Variants in HIVEP3 observed in about 807,000 individuals in gnomAD.
HIVEP3 encodes the protein transcription factor HIVEP3.
HIVEP3 carries 49 observed loss-of-function variants against 152.8 expected under a neutral mutation model. The observed-to-expected ratio is 0.32, with a 90% CI of 0.26 to 0.41. The LOEUF is 0.41. Among genes scored for constraint, HIVEP3 ranks in the 10% least tolerant of loss-of-function variants. HIVEP3 has a pLI of 1.00. For synonymous variants in HIVEP3, 1,269 were observed against 1,289.0 expected, an observed-to-expected ratio of 0.98 and a Z score of 0.33; for missense variants, 2,790 against 3,103.3, an observed-to-expected ratio of 0.90 and a Z score of 2.40.
chr1:41,644,563 AGCCAGG>A (rs1382569995), intron 2 of HIVEP3, among the ~76,000 whole-genome samples: 1 of 152,188 alleles, frequency 6.6e-6, no homozygotes, highest in Non-Finnish European at 1.5e-5. Flanking sequence ...TGCTCCTGAA[AGCCAGG>A]ATGGCCTCTA....
At chr1:41,978,598 A>G (rs554706894) in intron 1 of HIVEP3, among the ~76,000 whole-genome samples, 2 of 152,318 alleles carry the variant, frequency 1.3e-5, no homozygotes, top group East Asian at 3.9e-4. Context: ...TGTTTAAGCC[A>G]CCCAGTCTGT....
At chr1:41,775,373 G>A (rs867593690) in intron 1 of HIVEP3, among the ~76,000 whole-genome samples, 1 of 152,206 alleles carries the variant, frequency 6.6e-6, no homozygotes, top group African/African-American at 2.4e-5. Context: ...AGAGCTGTTG[G>A]CTTCAGAATC....
intron 2 of HIVEP3, among the ~76,000 whole-genome samples, chr1:41,673,653 T>C (rs900079001): frequency 6.6e-6 from 1 of 152,152 alleles, no homozygotes; most frequent in Non-Finnish European, 1.5e-5. Flanking sequence ...TTCAAGATTG[T>C]GTTAGCTTCT....
chr1:41,692,123 C>T (rs1250513137), intron 2 of HIVEP3, among the ~76,000 whole-genome samples: 1 of 152,148 alleles, frequency 6.6e-6, no homozygotes, highest in African/African-American at 2.4e-5. Context: ...GGATTACAGG[C>T]GCGAGCCACT....
chr1:41,816,714 CA>C (rs527806354), intron 1 of HIVEP3, among the ~76,000 whole-genome samples: 148 of 152,224 alleles, frequency 9.7e-4, no homozygotes, highest in African/African-American at 3.0e-3. Context: ...AAAAACATAG[CA>C]TCTATTCTTA....
chr1:41,907,027 G>A (rs1046012051), intron 1 of HIVEP3, among the ~76,000 whole-genome samples: 2 of 152,082 alleles, frequency 1.3e-5, no homozygotes. Context: ...AGGGGCAGAT[G>A]TTCTGCAAAA....
intron 1 of HIVEP3, among the ~76,000 whole-genome samples, chr1:41,750,541 G>C (rs1647142907): frequency 6.6e-6 from 1 of 152,124 alleles, no homozygotes; most frequent in Non-Finnish European, 1.5e-5. Context: ...TCCAAGGCGA[G>C]GCCATTGCTG....
intron 1 of HIVEP3, among the ~76,000 whole-genome samples, chr1:41,845,530 T>C (rs1436854298): frequency 6.6e-6 from 1 of 152,034 alleles, no homozygotes; most frequent in Non-Finnish European, 1.5e-5. Flanking sequence ...AGGGATAGTT[T>C]AGGTTAAACT....
At chr1:41,594,252 T>A (rs1644631588) in intron 3 of HIVEP3, among the ~76,000 whole-genome samples, 1 of 152,312 alleles carries the variant, frequency 6.6e-6, no homozygotes, top group Non-Finnish European at 1.5e-5. Context: ...AAATGGAGTC[T>A]CGCTCTGTTG....
chr1:41,978,018 G>A (rs1017920205), intron 1 of HIVEP3, among the ~76,000 whole-genome samples: 15 of 152,302 alleles, frequency 9.8e-5, no homozygotes, highest in African/African-American at 3.1e-4. Flanking sequence ...GAACTGAATA[G>A]TTCCTCCTAG....
At chr1:41,540,915 C>A in intron 5 of HIVEP3, among the ~76,000 whole-genome samples, 1 of 152,020 alleles carries the variant, frequency 6.6e-6, no homozygotes, top group South Asian at 2.1e-4. Flanking sequence ...CCAGGTCCAG[C>A]GGGTTTAGCT....
chr1:41,686,103 AC>A (rs1178237475), intron 2 of HIVEP3, among the ~76,000 whole-genome samples: 1 of 151,414 alleles, frequency 6.6e-6, no homozygotes, highest in Non-Finnish European at 1.5e-5. Context: ...ATGGAGTCTC[AC>A]TCTGTCACCC....
chr1:41,763,265 G>A (rs2124249908), intron 1 of HIVEP3, among the ~76,000 whole-genome samples: 2 of 152,332 alleles, frequency 1.3e-5, no homozygotes, highest in East Asian at 3.9e-4. Context: ...GTTTGCTGAG[G>A]ACATGGGCTG....
intron 1 of HIVEP3, among the ~76,000 whole-genome samples, chr1:41,946,597 T>C (rs1210473567): frequency 6.6e-6 from 1 of 152,036 alleles, no homozygotes; most frequent in Non-Finnish European, 1.5e-5. Context: ...AGAGACATTC[T>C]AGCAAAAGCA....
intron 1 of HIVEP3, among the ~76,000 whole-genome samples, chr1:41,767,573 G>C (rs1483537533): frequency 6.6e-6 from 1 of 152,196 alleles, no homozygotes; most frequent in African/African-American, 2.4e-5. Flanking sequence ...GGGCCTGGCT[G>C]TCACCTGGCT....
intron 1 of HIVEP3, among the ~76,000 whole-genome samples, chr1:41,977,164 T>A (rs1368433914): frequency 6.6e-6 from 1 of 151,590 alleles, no homozygotes; most frequent in Non-Finnish European, 1.5e-5. Flanking sequence ...ACAGCGTGAG[T>A]GGACTAAGGT....
At chr1:41,539,598 C>T (rs578035201) in intron 5 of HIVEP3, among the ~76,000 whole-genome samples, 39 of 152,186 alleles carry the variant, frequency 2.6e-4, no homozygotes, top group Non-Finnish European at 5.1e-4. Flanking sequence ...ACTAACTAGA[C>T]CCTGAAGAGG....
At chr1:41,878,034 T>G (rs1208118930) in intron 1 of HIVEP3, among the ~76,000 whole-genome samples, 1 of 152,202 alleles carries the variant, frequency 6.6e-6, no homozygotes, top group African/African-American at 2.4e-5. Flanking sequence ...AGAACACTAT[T>G]CCTGCATATG....
In HIVEP3 at chr1:42,021,774, G is replaced by A. The variant is rs916996799; in HGVS notation, n.119+14033C>T. On this transcript the variant is annotated intron_variant and non_coding_transcript_variant, in intron 1 of 3. Coordinates refer to the HIVEP3 transcript ENST00000489103. ...ATGTCCAGTGAGGGGAAATTCTCAC[G>A]TGTATATCAGTCTGTTTCTGAATTC... Among the ~76,000 whole-genome samples the A allele has an allele frequency of 9.8e-5, 15 of 152,290 alleles. 1 individual carries two copies. Among genetic ancestry groups the A allele is most frequent in the Non-Finnish European group, 1.6e-4 (11 of 68,032 alleles).
Sources: allele counts gnomAD v4.1 joint callset (sites outside exome capture counted in the v4.1 genomes callset), GRCh38; gene constraint gnomAD v4.1.1; transcripts MANE v1.5; gene names NCBI Gene and HGNC (gene_info 2026-07-23, HGNC 2026-07-21).